The following TMEM108 variants were observed in gnomAD, a reference collection of about 807,000 sequenced individuals.
TMEM108 encodes the protein transmembrane protein 108.
Under a neutral mutation model 35.1 loss-of-function variants are expected in TMEM108, and 12 were observed. That is an observed-to-expected ratio of 0.34 (90% CI 0.22 to 0.55). The LOEUF (loss-of-function observed/expected upper bound fraction) is 0.55, where lower values mean the gene tolerates loss of function less well. Among genes scored for constraint, TMEM108 ranks in the 20% least tolerant of loss-of-function variants. The pLI, the probability that TMEM108 is intolerant of heterozygous loss-of-function variation, is 0.89. For synonymous variants in TMEM108, 287 were observed against 308.6 expected, an observed-to-expected ratio of 0.93 and a Z score of 0.73; for missense variants, 680 against 753.3, an observed-to-expected ratio of 0.90 and a Z score of 1.14.
chr3:133,093,217 C>G (rs999233292), intron 2 of TMEM108, among the ~76,000 whole-genome samples: 5 of 152,148 alleles, frequency 3.3e-5, no homozygotes, highest in African/African-American at 1.2e-4. Flanking sequence ...TCTCGAACTC[C>G]TGACCTCAAG....
intron 2 of TMEM108, among the ~76,000 whole-genome samples, chr3:133,111,522 C>G (rs1944223832): frequency 6.6e-6 from 1 of 152,040 alleles, no homozygotes; most frequent in Non-Finnish European, 1.5e-5. Context: ...CATTTTCCAA[C>G]AGTTTTATCA....
chr3:133,316,773 C>T (rs1165626103), intron 3 of TMEM108, among the ~76,000 whole-genome samples: 3 of 152,220 alleles, frequency 2.0e-5, no homozygotes, highest in African/African-American at 4.8e-5. Context: ...GGTGAGCATG[C>T]TGGTCCTCAG....
chr3:133,068,041 A>G (rs1463367525), intron 2 of TMEM108, among the ~76,000 whole-genome samples: 3 of 151,782 alleles, frequency 2.0e-5, no homozygotes, highest in Non-Finnish European at 4.4e-5. Flanking sequence ...TCAGGAGCTC[A>G]TTTTCATGGT....
At chr3:133,254,509 C>T (rs1246214745) in intron 3 of TMEM108, among the ~76,000 whole-genome samples, 2 of 152,112 alleles carry the variant, frequency 1.3e-5, no homozygotes, top group Non-Finnish European at 2.9e-5. Context: ...ACCAAGGTGC[C>T]TCAAGATACT....
chr3:133,108,991 A>G (rs982193077), intron 2 of TMEM108, among the ~76,000 whole-genome samples: 2 of 152,132 alleles, frequency 1.3e-5, no homozygotes, highest in Non-Finnish European at 2.9e-5. Context: ...TATAATAATA[A>G]TAATAAAAAA....
At chr3:133,142,114 G>C (rs1944649975) in intron 2 of TMEM108, among the ~76,000 whole-genome samples, 1 of 152,006 alleles carries the variant, frequency 6.6e-6, no homozygotes, top group South Asian at 2.1e-4. Flanking sequence ...ATATATTCTG[G>C]GGGGCAAAAT....
intron 3 of TMEM108, among the ~76,000 whole-genome samples, chr3:133,333,430 A>G (rs142321624): frequency 3.3e-5 from 5 of 152,148 alleles, no homozygotes; most frequent in Non-Finnish European, 7.3e-5. Context: ...ATTTATTTCC[A>G]TACCTTTTGG....
At chr3:133,348,640 G>A (rs1214662952) in intron 3 of TMEM108, among the ~76,000 whole-genome samples, 1 of 152,164 alleles carries the variant, frequency 6.6e-6, no homozygotes, top group Non-Finnish European at 1.5e-5. Context: ...TCAACCAGGT[G>A]TTGAATGTGG....
Position 133,380,242 on chromosome 3 carries a change from T to C in TMEM108, c.531T>C (p.Gly177=). Residue 177 remains glycine, a synonymous_variant, in exon 4 of 6, where the codon GGT becomes GGC. Transcript: ENST00000321871. The surrounding 1 kb of genome is among the most constrained non-coding windows in gnomAD (Gnocchi z 5.3). ...RPPGSSRKGA[G]NSSRPVPPAP... ...CAGGCTCTTCCCGAAAAGGGGCTGG[T>C]AATTCATCACGCCCTGTCCCGCCTG... 1 of 1,613,274 alleles carries C rather than the reference T, an allele frequency of 6.2e-7. No individual in the cohort carries two copies. Among genetic ancestry groups the C allele is most frequent in the South Asian group, 1.1e-5 (1 of 91,006 alleles).
At chr3:133,258,354 C>T (rs1946577414) in intron 3 of TMEM108, among the ~76,000 whole-genome samples, 1 of 152,258 alleles carries the variant, frequency 6.6e-6, no homozygotes, top group Non-Finnish European at 1.5e-5. Context: ...AGACTAAGAT[C>T]CTCACCATAG....
chr3:133,078,364 T>C (rs1943770419), intron 2 of TMEM108, among the ~76,000 whole-genome samples: 1 of 152,068 alleles, frequency 6.6e-6, no homozygotes, highest in Admixed American at 6.6e-5. Flanking sequence ...AGAAGACAGG[T>C]TACTCCCAAA....
intron 2 of TMEM108, among the ~76,000 whole-genome samples, chr3:133,095,439 G>A (rs2088474775): frequency 6.6e-6 from 1 of 152,074 alleles, no homozygotes; most frequent in African/African-American, 2.4e-5. Flanking sequence ...GGGGTGGATG[G>A]TTTCACGATG....
At chr3:133,129,351 C>A (rs867733025) in intron 2 of TMEM108, among the ~76,000 whole-genome samples, 17 of 79,730 alleles carry the variant, frequency 2.1e-4, no homozygotes, top group Non-Finnish European at 5.3e-4. Context: ...CACCCACACC[C>A]CCCCCCCCAA....
intron 3 of TMEM108, among the ~76,000 whole-genome samples, chr3:133,235,719 A>G (rs918615424): frequency 6.6e-6 from 1 of 152,090 alleles, no homozygotes; most frequent in Admixed American, 6.6e-5. Context: ...TCTAACTAAC[A>G]TTTGTGTGGA....
rs376673043 is a variant in TMEM108 at position 133,271,111 on chromosome 3, A to G, written c.40+41760A>G. Among the ~76,000 whole-genome samples, 117 of 152,220 alleles carry G rather than the reference A, an allele frequency of 7.7e-4. 3 individuals carry two copies. The South Asian group carries it at 0.022, about 28-fold the overall frequency. On this transcript the variant is annotated intron_variant, in intron 3 of 5. Transcript: ENST00000321871. ...CAAACTCTACCCCAACATCTGGCCA[A>G]TCTTGCCATGCCCTTCCCCCAACAC...
intron 2 of TMEM108, among the ~76,000 whole-genome samples, chr3:133,076,066 A>G (rs546507033): frequency 7.9e-5 from 12 of 152,226 alleles, no homozygotes; most frequent in Admixed American, 5.9e-4. Context: ...TAATGTGGGG[A>G]CCCTCGAGAT....
chr3:133,232,619 A>G (rs947699700), intron 3 of TMEM108, among the ~76,000 whole-genome samples: 1 of 152,248 alleles, frequency 6.6e-6, no homozygotes, highest in Non-Finnish European at 1.5e-5. Context: ...TCACTGAATC[A>G]TAATCAATAG....
At chr3:133,383,118 T>C (rs2073056081) in intron 4 of TMEM108, among the ~76,000 whole-genome samples, 1 of 152,238 alleles carries the variant, frequency 6.6e-6, no homozygotes. Context: ...TTAATAATGG[T>C]TGGTCATATC....
chr3:133,131,344 A>G (rs78031749), intron 2 of TMEM108, among the ~76,000 whole-genome samples: 4,664 of 151,910 alleles, frequency 0.031, 128 homozygotes, highest in South Asian at 0.064. Context: ...CAATTTTTAT[A>G]AATTGAAGGT....
Sources: gnomAD v4.1 joint callset for allele counts (sites outside exome capture counted in the v4.1 genomes callset) on GRCh38, gnomAD v4.1.1 for gene constraint, Gnocchi (gnomAD v3.1) non-coding constraint, MANE v1.5 for transcripts, NCBI Gene and HGNC (gene_info 2026-07-23, HGNC 2026-07-21) for gene names.